The following TRERF1 variants were observed in gnomAD, a reference collection of about 807,000 sequenced individuals.
The protein encoded by TRERF1 is transcriptional regulating factor 1.
Under a neutral mutation model 122.9 loss-of-function variants are expected in TRERF1, and 27 were observed. That is an observed-to-expected ratio of 0.22 (90% CI 0.16 to 0.30). TRERF1 has a LOEUF of 0.30. Ranked by LOEUF, TRERF1 falls within the 10% of genes least tolerant of loss-of-function variation. The pLI, the probability that TRERF1 is intolerant of heterozygous loss-of-function variation, is 1.00. For missense variants in TRERF1, 1,248 were observed against 1,560.3 expected (o/e 0.80, Z 3.37); for synonymous variants, 636 against 641.7 (o/e 0.99, Z 0.13).
intron 2 of TRERF1, among the ~76,000 whole-genome samples, chr6:42,364,848 G>A (rs1772430366): frequency 6.6e-6 from 1 of 152,218 alleles, no homozygotes; most frequent in Non-Finnish European, 1.5e-5. Flanking sequence ...GCTGAGGGGT[G>A]TGAAGGGCTG....
At chr6:42,328,538 CTCTT>C in intron 3 of TRERF1, among the ~76,000 whole-genome samples, 1 of 152,232 alleles carries the variant, frequency 6.6e-6, no homozygotes, top group South Asian at 2.1e-4. Context: ...TGTTGTTCCT[CTCTT>C]TGTGTCCATG....
intron 3 of TRERF1, among the ~76,000 whole-genome samples, chr6:42,309,576 T>C (rs1397041535): frequency 6.6e-6 from 1 of 152,128 alleles, no homozygotes; most frequent in Non-Finnish European, 1.5e-5. Flanking sequence ...AGCCTTAGCA[T>C]CCCTGGGAAT....
chr6:42,389,621 T>A (rs1777370493), intron 2 of TRERF1, among the ~76,000 whole-genome samples: 1 of 152,236 alleles, frequency 6.6e-6, no homozygotes, highest in East Asian at 1.9e-4. Flanking sequence ...ATTATTAATA[T>A]TATCCAGCCG....
chr6:42,373,494 C>T (rs567012713), intron 2 of TRERF1, among the ~76,000 whole-genome samples: 3 of 151,622 alleles, frequency 2.0e-5, no homozygotes, highest in South Asian at 2.1e-4. Context: ...AGTGAAACCC[C>T]GTCTCTATTA....
chr6:42,246,257 T>G (rs1208146765), intron 14 of TRERF1, among the ~76,000 whole-genome samples, 199 bp downstream of exon 14: 1 of 152,172 alleles, frequency 6.6e-6, no homozygotes, highest in Non-Finnish European at 1.5e-5. Context: ...ATCTACGCCT[T>G]CTTTCCCCTG....
chr6:42,395,504 C>T (rs931309734), intron 2 of TRERF1, among the ~76,000 whole-genome samples: 3 of 152,234 alleles, frequency 2.0e-5, no homozygotes, highest in East Asian at 1.9e-4. Flanking sequence ...CAGGCAAGAT[C>T]GGAGAGATTT....
At chr6:42,326,247 G>A (rs1191013865) in intron 3 of TRERF1, among the ~76,000 whole-genome samples, 1 of 145,356 alleles carries the variant, frequency 6.9e-6, no homozygotes, top group Non-Finnish European at 1.5e-5. Context: ...GATGGAAGGG[G>A]TGACAGGGGC....
chr6:42,269,045 G>A lies in TRERF1; in HGVS notation c.546C>T (p.Arg182=). 1 of 1,614,160 alleles carries A rather than the reference G, an allele frequency of 6.2e-7. No individual in the cohort carries two copies. The highest frequency in any genetic ancestry group is 8.5e-7 in the Non-Finnish European group (1 of 1,180,020). ...CCATGGGCTTCTGAGACAGCAGCTG[G>A]CGGAGAGCACTGTCAGGGGCTCCAT... Residue 182 remains arginine, a synonymous_variant, in exon 5 of 18, where the codon CGC becomes CGT. Transcript: ENST00000372922. The surrounding 1 kb of genome is among the most constrained non-coding windows in gnomAD (Gnocchi z 4.9).
rs1165269449 is a variant in TRERF1, at chr6:42,324,417, T to C, written c.-370-23668A>G. ...TGAAAAAACTATTGTAAAATTCATA[T>C]GGAACCAAAATAAGCCCAAATAGCC... is the stretch of plus-strand genomic sequence containing the variant. On this transcript the variant is annotated intron_variant, in intron 3 of 17. Transcript: ENST00000372922. 3.9e-5 allele frequency among the ~76,000 whole-genome samples: 6 copies of C among 152,356 alleles called. No homozygotes were observed. The South Asian group carries it at 8.3e-4, about 21-fold the overall frequency.
intron 3 of TRERF1, among the ~76,000 whole-genome samples, chr6:42,353,738 A>G (rs1769942831): frequency 6.6e-6 from 1 of 152,250 alleles, no homozygotes; most frequent in Non-Finnish European, 1.5e-5. Context: ...GATCTAAATG[A>G]ACAAAGCATA....
intron 4 of TRERF1, among the ~76,000 whole-genome samples, chr6:42,277,903 A>AAGAGGAAGAAGAGGAAGAAGAGGAAGAAG: frequency 1.1e-5 from 1 of 93,582 alleles, no homozygotes; most frequent in African/African-American, 4.8e-5. Flanking sequence ...AAGAAGGAAG[A>AAGAGGAAGAAGAGGAAGAAGAGGAAGAAG]AGGAAGAAGA....
At chr6:42,442,256 T>C (rs1205946728) in intron 2 of TRERF1, among the ~76,000 whole-genome samples, 1 of 152,012 alleles carries the variant, frequency 6.6e-6, no homozygotes, top group African/African-American at 2.4e-5. Flanking sequence ...TCCAGCTTTT[T>C]TTCTTTTCCT....
chr6:42,256,800 A>T, exon 12 of TRERF1: 2 of 1,614,240 alleles, frequency 1.2e-6, no homozygotes, highest in Non-Finnish European at 1.7e-6. Flanking sequence ...CTGGCAATGC[A>T]CTGGAACAGC....
At chr6:42,384,680 CCAT>C (rs756752673) in intron 2 of TRERF1, among the ~76,000 whole-genome samples, 18 of 152,348 alleles carry the variant, frequency 1.2e-4, no homozygotes, top group East Asian at 1.2e-3. Context: ...TCTACCACCA[CCAT>C]GTGTGCATGC....
chr6:42,233,507 G>A (rs4711711), intron 16 of TRERF1, among the ~76,000 whole-genome samples: 6,271 of 151,796 alleles, frequency 0.041, 342 homozygotes, highest in East Asian at 0.28. Flanking sequence ...GGATGGTCTC[G>A]ATCTCCTGAC....
At chr6:42,390,272 T>C (rs1777504219) in intron 2 of TRERF1, among the ~76,000 whole-genome samples, 1 of 152,212 alleles carries the variant, frequency 6.6e-6, no homozygotes, top group Non-Finnish European at 1.5e-5. Flanking sequence ...GCCTCTGACA[T>C]GAATTTGCAT....
At chr6:42,396,036 T>C (rs1778526421) in intron 2 of TRERF1, among the ~76,000 whole-genome samples, 2 of 152,108 alleles carry the variant, frequency 1.3e-5, no homozygotes, top group Admixed American at 6.5e-5. Flanking sequence ...ACACACACAA[T>C]TCTGGTCTTC....
intron 17 of TRERF1, among the ~76,000 whole-genome samples, chr6:42,230,320 G>A (rs1194361706): frequency 6.6e-6 from 1 of 151,652 alleles, no homozygotes; most frequent in East Asian, 1.9e-4. Context: ...ATCATAACTG[G>A]ATTTCTGGTA....
intron 12 of TRERF1, 97 bp downstream of exon 12, chr6:42,256,631 G>A: frequency 9.7e-7 from 1 of 1,035,878 alleles, no homozygotes. Flanking sequence ...GCGCCGATTG[G>A]TCATTACAAA....
Sources: allele counts gnomAD v4.1 joint callset (sites outside exome capture counted in the v4.1 genomes callset), GRCh38; gene constraint gnomAD v4.1.1; non-coding constraint Gnocchi (gnomAD v3.1); transcripts MANE v1.5; gene names NCBI Gene and HGNC (gene_info 2026-07-23, HGNC 2026-07-21).